Variants in GAPDHS observed in about 807,000 individuals in gnomAD.
GAPDHS encodes the protein glyceraldehyde-3-phosphate dehydrogenase, spermatogenic, also known as glyceraldehyde-3-phosphate dehydrogenase, testis-specific.
Under a neutral mutation model 48.7 loss-of-function variants are expected in GAPDHS, and 42 were observed. That is an observed-to-expected ratio of 0.86 (90% confidence interval 0.67 to 1.12). The LOEUF (loss-of-function observed/expected upper bound fraction) is 1.12, where lower values mean the gene tolerates loss of function less well. GAPDHS is among the 50% of genes most tolerant of loss of function. The pLI is 0.00. For missense variants in GAPDHS, 512 were observed against 557.7 expected, an observed-to-expected ratio of 0.92 and a Z score of 0.82; for synonymous variants, 166 against 219.1, an observed-to-expected ratio of 0.76 and a Z score of 2.14.
chr19:35,536,408 T>C (rs2071466252), intron 1 of GAPDHS, among the ~76,000 whole-genome samples: 1 of 151,782 alleles, frequency 6.6e-6, no homozygotes, highest in African/African-American at 2.4e-5. Context: ...AAACCCTGTA[T>C]CTACTAAAAA....
intron 1 of GAPDHS, 122 bp from the exon 2 acceptor site, chr19:35,536,691 A>G: frequency 1.4e-6 from 1 of 739,892 alleles, no homozygotes; most frequent in Non-Finnish European, 2.3e-6. Context: ...TTTGGGAAAC[A>G]CTGGGCTAAA....
rs778679604 is a variant in GAPDHS, at chr19:35,543,879, G to A, written c.1056+52G>A. 9 of 1,507,968 alleles carry A rather than the reference G, an allele frequency of 6.0e-6. No homozygotes were observed. The East Asian group carries it at 1.9e-4, about 32-fold the overall frequency. The allele number at this position is 1,507,968 out of a possible 1,614,324, so 93.4% of individuals were successfully genotyped here. A position where few individuals can be genotyped will look rare whatever the true frequency, so the allele number is the denominator to read the frequency against. On this transcript the variant is annotated intron_variant, in intron 9 of 10. Coordinates refer to ENST00000222286, the MANE Select transcript of GAPDHS (RefSeq NM_014364.5). ...GGAGGAGCCCTCTGGGAAGGGACATGATTTCCACTTGCCAGGGAGCTGCTC... is the reference window on the plus strand; with the variant it reads ...GGAGGAGCCCTCTGGGAAGGGACATAATTTCCACTTGCCAGGGAGCTGCTC...
chr19:35,544,010 AC>A (rs1600135116), intron 9 of GAPDHS, 183 bp downstream of exon 9: 1 of 1,164,134 alleles, frequency 8.6e-7, no homozygotes, highest in Non-Finnish European at 1.2e-6. Flanking sequence ...TTGCCAGGTG[AC>A]CATACAGTCT....
rs897222219 is a variant in GAPDHS, at chr19:35,533,469, C to T, written c.-59C>T. On this transcript the variant is annotated 5_prime_UTR_variant, in exon 1 of 11. Transcript: ENST00000222286. ...CCCAGGACCCACAGCCCTGGCGCTC[C>T]GCACGCACCTCGGTAACATCACAGC... 30 of 1,485,552 alleles carry T rather than the reference C, an allele frequency of 2.0e-5. 1 individual carries two copies. The Middle Eastern group carries it at 2.2e-3, about 110-fold the overall frequency. The allele number at this position is 1,485,552 out of a possible 1,614,324, so 92.0% of individuals were successfully genotyped here.
chr19:35,534,488 C>T (rs1048734711), intron 1 of GAPDHS, among the ~76,000 whole-genome samples: 6 of 152,198 alleles, frequency 3.9e-5, no homozygotes, highest in Admixed American at 6.5e-5. Context: ...AGTGGGAGGA[C>T]GCAGTGAGGA....
At position 35,536,578 on chromosome 19, in the gene GAPDHS, G is replaced by GA. The variant is rs144468847; in HGVS notation, c.68-225dup. Among the ~76,000 whole-genome samples the GA allele has an allele frequency of 2.2e-3, 317 of 146,126 alleles. 2 individuals carry two copies. The highest frequency in any genetic ancestry group is 6.9e-3 in the African/African-American group (274 of 39,968). On this transcript the variant is annotated intron_variant, in intron 1 of 10. Coordinates refer to ENST00000222286, the MANE Select transcript of GAPDHS (RefSeq NM_014364.5). ...GTGACAGAGCAATACTCTGTCTCGG[G>GA]AAAAAAAAAACAACGGAAGTACATA...
chr19:35,543,913 C>T (rs2146298133), intron 9 of GAPDHS, 86 bp downstream of exon 9: 4 of 1,449,136 alleles, frequency 2.8e-6, no homozygotes, highest in Middle Eastern at 2.5e-4. Context: ...TCTCAATGTG[C>T]CAAGTCAGAA....
At chr19:35,542,916 A>G (rs980617172) in intron 6 of GAPDHS, 29 bp from the exon 7 acceptor site, 2 of 1,577,788 alleles carry the variant, frequency 1.3e-6, no homozygotes, top group Non-Finnish European at 1.7e-6. Flanking sequence ...CTCACCTCAC[A>G]GTGTCCGTGC....
rs771219094 is a variant in GAPDHS at position 35,543,797 on chromosome 19, G to A, written c.1026G>A (p.Met342Ile). The A allele has an allele frequency of 5.0e-6, 8 of 1,613,210 alleles. No individual in the cohort carries two copies. The highest frequency in any genetic ancestry group is 6.8e-6 in the Non-Finnish European group (8 of 1,179,796). ...TAAAAGCAGCAGCCAAGGGGCCCAT[G>A]GCTGGCATCCTTGCCTACACCGAGG... ...EAVKAAAKGP[M>I]AGILAYTEDE... Residue 342 changes from methionine (M) to isoleucine (I), a missense_variant, in exon 9 of 11, where the codon ATG becomes ATA. By Grantham distance (10) the Met-to-Ile change is conservative. Coordinates refer to ENST00000222286, the MANE Select transcript of GAPDHS (RefSeq NM_014364.5).
At chr19:35,539,128 C>T (rs1193462837) in intron 4 of GAPDHS, among the ~76,000 whole-genome samples, 1 of 152,096 alleles carries the variant, frequency 6.6e-6, no homozygotes, top group East Asian at 1.9e-4. Context: ...AACTCCTGGC[C>T]CCAAGCAATC....
Position 35,545,281 on chromosome 19 carries a change from G to T in GAPDHS, c.*111G>T, listed in dbSNP as rs776870071. On this transcript the variant is annotated 3_prime_UTR_variant, in exon 11 of 11. Coordinates refer to ENST00000222286, the MANE Select transcript of GAPDHS (RefSeq NM_014364.5). ...AGGACACCCGGGGCGGGCGCCCCAC[G>T]CCGATGGGTCCATGGTGAAATAAAA... 4 of 826,088 alleles carry T rather than the reference G, an allele frequency of 4.8e-6. No individual in the cohort carries two copies. In the Admixed American group the frequency reaches 5.6e-5, roughly 12 times the overall value. The allele number at this position is 826,088 out of a possible 1,614,324, so 51.2% of individuals were successfully genotyped here.
At chr19:35,538,730 G>C (rs759867409) in intron 4 of GAPDHS, 47 bp downstream of exon 4, 1 of 1,229,754 alleles carries the variant, frequency 8.1e-7, no homozygotes, top group Non-Finnish European at 1.2e-6. Flanking sequence ...TATTGAGGCA[G>C]GGCATGTGGA....
chr19:35,534,122 G>A (rs1281588138), intron 1 of GAPDHS, among the ~76,000 whole-genome samples: 1 of 152,142 alleles, frequency 6.6e-6, no homozygotes, highest in East Asian at 1.9e-4. Context: ...TTTACAGAGC[G>A]GCCAACAGAG....
chr19:35,537,348 C>T (rs555701837), intron 2 of GAPDHS, among the ~76,000 whole-genome samples: 19 of 152,228 alleles, frequency 1.2e-4, no homozygotes, highest in African/African-American at 4.1e-4. Context: ...CCCAGGGCAC[C>T]TTGCTGGGGA....
At chr19:35,540,849 G>A (rs1045278461) in intron 4 of GAPDHS, 2 of 152,068 alleles carry the variant, frequency 1.3e-5, no homozygotes, top group African/African-American at 4.8e-5. Context: ...AAAAACACGA[G>A]GCCAGGTGCA....
chr19:35,535,893 C>T (rs925452503), intron 1 of GAPDHS, among the ~76,000 whole-genome samples: 1 of 151,942 alleles, frequency 6.6e-6, no homozygotes, highest in African/African-American at 2.4e-5. Context: ...CCTCAGCCCC[C>T]CGAGGAGCTG....
intron 4 of GAPDHS, 97 bp downstream of exon 4, chr19:35,538,780 T>C (rs2071482564): frequency 1.0e-5 from 8 of 772,080 alleles, no homozygotes; most frequent in South Asian, 4.4e-5. Context: ...CATGGGGTGC[T>C]GAAACCACCC....
chr19:35,534,153 T>C (rs1252817025), intron 1 of GAPDHS, among the ~76,000 whole-genome samples: 3 of 152,132 alleles, frequency 2.0e-5, no homozygotes, highest in African/African-American at 7.2e-5. Context: ...GGCAAACTAC[T>C]TCCTTAGTCT....
Position 35,543,412 on chromosome 19 carries a change from C to T in GAPDHS, c.814C>T (p.Arg272Trp), listed in dbSNP as rs750502242. 39 of 1,611,098 alleles carry T rather than the reference C, an allele frequency of 2.4e-5. No homozygotes were observed. The highest frequency in any genetic ancestry group is 3.1e-5 in the Non-Finnish European group (37 of 1,179,074). ...ATCAAGGAAGGCCTGGCGAGATGGG[C>T]GGGGTGCCCACCAGAACATCATCCC... ...GPSRKAWRDG[R>W]GAHQNIIPAS... Residue 272 changes from arginine (R) to tryptophan (W), a missense_variant, in exon 8 of 11, where the codon CGG becomes TGG. Coordinates refer to ENST00000222286, the MANE Select transcript of GAPDHS (RefSeq NM_014364.5).
Sources: allele counts gnomAD v4.1 joint callset (sites outside exome capture counted in the v4.1 genomes callset), GRCh38; gene constraint gnomAD v4.1.1; transcripts MANE v1.5; gene names NCBI Gene and HGNC (gene_info 2026-07-23, HGNC 2026-07-21).